PTPRD: variants seen among roughly 807,000 people sequenced by gnomAD.
PTPRD encodes receptor-type tyrosine-protein phosphatase delta.
PTPRD carries 34 observed loss-of-function variants against 214.5 expected under a neutral mutation model. That is an observed-to-expected ratio of 0.16 (90% CI 0.12 to 0.21). PTPRD has a LOEUF of 0.21. PTPRD is among the 10% of genes least tolerant of loss of function. The pLI is 1.00. For missense variants in PTPRD, 2,545 were observed against 2,398.7 expected (o/e 1.06, Z -1.27); for synonymous variants, 1,128 against 845.7 (o/e 1.33, Z -5.79).
At chr9:10,451,524 A>G (rs975390820) in intron 2 of PTPRD, among the ~76,000 whole-genome samples, 1 of 151,548 alleles carries the variant, frequency 6.6e-6, no homozygotes, top group Non-Finnish European at 1.5e-5. Context: ...GATCTGGTGC[A>G]TATCTTCAGA....
intron 14 of PTPRD, among the ~76,000 whole-genome samples, chr9:8,626,406 T>C (rs2096037429): frequency 6.6e-6 from 1 of 151,846 alleles, no homozygotes; most frequent in Admixed American, 6.6e-5. Flanking sequence ...CCTCATTTTC[T>C]TTTACTACTA....
chr9:9,544,301 T>G (rs1382184762), intron 8 of PTPRD, among the ~76,000 whole-genome samples: 1 of 151,706 alleles, frequency 6.6e-6, no homozygotes, highest in Non-Finnish European at 1.5e-5. Context: ...TTAATTGAAT[T>G]AAAAGCTTAT....
chr9:10,304,011 TTAA>T (rs2095963284), intron 3 of PTPRD, among the ~76,000 whole-genome samples: 1 of 152,292 alleles, frequency 6.6e-6, no homozygotes, highest in African/African-American at 2.4e-5. Flanking sequence ...GCAAAAATCC[TTAA>T]TAAAATACTG....
At chr9:10,583,680 A>G (rs930349051) in intron 2 of PTPRD, among the ~76,000 whole-genome samples, 4 of 151,978 alleles carry the variant, frequency 2.6e-5, no homozygotes, top group Admixed American at 6.5e-5. Flanking sequence ...GAGTTTCACC[A>G]TGTTAGTCAG....
At chr9:8,457,689 T>C (rs184307377) in intron 33 of PTPRD, among the ~76,000 whole-genome samples, 4 of 152,230 alleles carry the variant, frequency 2.6e-5, no homozygotes, top group Admixed American at 1.3e-4. Flanking sequence ...GAAGCAGAGA[T>C]ATATGATAAA....
chr9:10,203,794 C>T (rs972851029), intron 3 of PTPRD, among the ~76,000 whole-genome samples: 7 of 152,066 alleles, frequency 4.6e-5, no homozygotes, highest in Non-Finnish European at 7.4e-5. Flanking sequence ...ACTTCTCAGT[C>T]GAGTCTGGTA....
At chr9:9,907,690 A>T (rs922411458) in intron 5 of PTPRD, among the ~76,000 whole-genome samples, 2 of 151,968 alleles carry the variant, frequency 1.3e-5, no homozygotes, top group Non-Finnish European at 2.9e-5. Context: ...TCAGTCCCAT[A>T]AAAGTGAACA....
chr9:9,205,148 T>C (rs935186004), intron 9 of PTPRD, among the ~76,000 whole-genome samples: 1 of 152,194 alleles, frequency 6.6e-6, no homozygotes, highest in Non-Finnish European at 1.5e-5. Context: ...AAAAAAAATC[T>C]TCTGGAATTT....
At chr9:10,575,285 G>A (rs187144245) in intron 2 of PTPRD, among the ~76,000 whole-genome samples, 16 of 152,060 alleles carry the variant, frequency 1.1e-4, no homozygotes, top group African/African-American at 3.9e-4. Flanking sequence ...CAATCTTGAA[G>A]AATATGAAAG....
intron 2 of PTPRD, among the ~76,000 whole-genome samples, chr9:10,452,226 G>A (rs2098846367): frequency 6.6e-6 from 1 of 151,832 alleles, no homozygotes; most frequent in Admixed American, 6.6e-5. Flanking sequence ...TTAATCCATT[G>A]GTGGACACTC....
intron 11 of PTPRD, among the ~76,000 whole-genome samples, chr9:8,828,935 C>G (rs1011036681): frequency 6.6e-6 from 1 of 152,042 alleles, no homozygotes; most frequent in African/African-American, 2.4e-5. Context: ...CAACAGTGTT[C>G]CATAAAATGC....
intron 3 of PTPRD, among the ~76,000 whole-genome samples, chr9:10,337,909 C>A (rs911093208): frequency 6.6e-6 from 1 of 151,620 alleles, no homozygotes; most frequent in Non-Finnish European, 1.5e-5. Flanking sequence ...CATATTATAT[C>A]TTTTATGTTA....
chr9:8,744,895 T>C (rs2092616422), intron 11 of PTPRD, among the ~76,000 whole-genome samples: 2 of 152,166 alleles, frequency 1.3e-5, no homozygotes, highest in African/African-American at 4.8e-5. Flanking sequence ...ATTTACATAG[T>C]AGAGAAAATA....
rs12346999 is a variant in PTPRD, at chr9:9,076,492, T to C, written c.-142-57757A>G. Reference sequence around the variant, plus strand: ...CTGGTAAGTATCATTCTACTCGCTATCTCCATGAGTTCAATTATTTTCATT... The same window carrying C: ...CTGGTAAGTATCATTCTACTCGCTACCTCCATGAGTTCAATTATTTTCATT... On this transcript the variant is annotated intron_variant, in intron 10 of 45. Transcript: ENST00000381196. Among the ~76,000 whole-genome samples the C allele has an allele frequency of 5.2e-3, 798 of 152,188 alleles. 14 individuals carry two copies. The highest frequency in any genetic ancestry group is 0.018 in the African/African-American group (757 of 41,542).
intron 9 of PTPRD, among the ~76,000 whole-genome samples, chr9:9,248,360 A>G (rs1594517554): frequency 6.6e-6 from 1 of 151,946 alleles, no homozygotes; most frequent in African/African-American, 2.4e-5. Flanking sequence ...TCCCAAAGTG[A>G]TGGGATTACA....
intron 9 of PTPRD, among the ~76,000 whole-genome samples, chr9:9,288,987 G>A (rs147828967): frequency 3.3e-5 from 5 of 151,850 alleles, no homozygotes; most frequent in Admixed American, 6.6e-5. Flanking sequence ...CAGCCCTGCC[G>A]AACTGTGAGT....
At chr9:8,532,213 G>T (rs930996887) in intron 14 of PTPRD, among the ~76,000 whole-genome samples, 3 of 151,994 alleles carry the variant, frequency 2.0e-5, no homozygotes, top group Admixed American at 6.6e-5. Flanking sequence ...GACAGTTGTG[G>T]CTTGTTTCCA....
At chr9:8,434,840 A>T (rs944727996) in intron 35 of PTPRD, among the ~76,000 whole-genome samples, 1 of 152,192 alleles carries the variant, frequency 6.6e-6, no homozygotes, top group Admixed American at 6.5e-5. Flanking sequence ...CTAAGCCCTA[A>T]ATTAGAAACT....
chr9:9,495,098 G>T lies in PTPRD; in HGVS notation c.-237+79634C>A, dbSNP rs148278074. Reference sequence around the variant, plus strand: ...TCTTTTCAATAAATGGTACTGGGAAGACTAGATAGCCACATGCGAAACAAT... The same window carrying T: ...TCTTTTCAATAAATGGTACTGGGAATACTAGATAGCCACATGCGAAACAAT... On this transcript the variant is annotated intron_variant, in intron 8 of 45. Transcript: ENST00000381196. 3.0e-3 allele frequency among the ~76,000 whole-genome samples: 459 copies of T among 152,186 alleles called. 13 individuals are homozygous for T. The highest frequency in any genetic ancestry group is 0.023 in the Admixed American group (344 of 15,282).
Sources: allele counts gnomAD v4.1 joint callset (sites outside exome capture counted in the v4.1 genomes callset), GRCh38; gene constraint gnomAD v4.1.1; transcripts MANE v1.5; gene names NCBI Gene and HGNC (gene_info 2026-07-23, HGNC 2026-07-21).